The following GRIP1 variants were observed in gnomAD, a reference collection of about 807,000 sequenced individuals.
GRIP1 encodes glutamate receptor interacting protein 1, also known as glutamate receptor-interacting protein 1.
Under a neutral mutation model 129.9 loss-of-function variants are expected in GRIP1, and 45 were observed. The observed-to-expected ratio is 0.35, with a 90% CI of 0.27 to 0.44. The LOEUF (loss-of-function observed/expected upper bound fraction) is 0.44. Ranked by LOEUF, GRIP1 falls within the 20% of genes least tolerant of loss-of-function variation. The probability of loss-of-function intolerance (pLI) is 1.00; values close to 1 mark genes in which losing one functional copy is unlikely to be tolerated. For synonymous variants in GRIP1, 530 were observed against 520.8 expected, an observed-to-expected ratio of 1.02 and a Z score of -0.24; for missense variants, 1,196 against 1,396.8, an observed-to-expected ratio of 0.86 and a Z score of 2.29.
At chr12:66,604,761 T>C (rs918749525) in intron 1 of GRIP1, among the ~76,000 whole-genome samples, 1 of 152,194 alleles carries the variant, frequency 6.6e-6, no homozygotes, top group Non-Finnish European at 1.5e-5. Context: ...AGCTTTAGAA[T>C]GACAATTTGG....
At chr12:66,737,379 G>A (rs572119333) in intron 1 of GRIP1, among the ~76,000 whole-genome samples, 1 of 152,252 alleles carries the variant, frequency 6.6e-6, no homozygotes, top group South Asian at 2.1e-4. Context: ...CGCCTCCCAG[G>A]TTCAAGAAAT....
intron 1 of GRIP1, among the ~76,000 whole-genome samples, chr12:66,940,313 G>C (rs2041564061): frequency 6.6e-6 from 1 of 152,084 alleles, no homozygotes; most frequent in Non-Finnish European, 1.5e-5. Context: ...CAAGATAACA[G>C]GGATAATATG....
intron 9 of GRIP1, among the ~76,000 whole-genome samples, chr12:66,456,590 CTTCTT>C (rs1268727591): frequency 6.6e-6 from 1 of 152,014 alleles, no homozygotes; most frequent in Non-Finnish European, 1.5e-5. Flanking sequence ...CTCGTTTTTT[CTTCTT>C]TTAAGATGAC....
At chr12:66,877,190 CATG>C (rs1227517919) in intron 1 of GRIP1, among the ~76,000 whole-genome samples, 3 of 152,024 alleles carry the variant, frequency 2.0e-5, no homozygotes, top group African/African-American at 4.8e-5. Context: ...CTGCCCCATT[CATG>C]ATGATTCTAC....
At chr12:67,033,407 C>A (rs763233822) in intron 1 of GRIP1, among the ~76,000 whole-genome samples, 1 of 151,976 alleles carries the variant, frequency 6.6e-6, no homozygotes, top group Non-Finnish European at 1.5e-5. Context: ...CCAAAATTCT[C>A]ATCCCAGTAA....
chr12:66,796,114 C>T (rs1487064549), intron 1 of GRIP1, among the ~76,000 whole-genome samples: 31 of 151,972 alleles, frequency 2.0e-4, no homozygotes, highest in Non-Finnish European at 1.5e-5. Flanking sequence ...CCTAACTTTG[C>T]AATAGTATAC....
At chr12:66,382,059 A>G (rs2056135118) in intron 19 of GRIP1, among the ~76,000 whole-genome samples, 1 of 151,958 alleles carries the variant, frequency 6.6e-6, no homozygotes, top group African/African-American at 2.4e-5. Context: ...CTCTACAAAG[A>G]AAAAAAAGAC....
intron 1 of GRIP1, among the ~76,000 whole-genome samples, chr12:67,018,341 T>C (rs1392369070): frequency 6.6e-6 from 1 of 152,158 alleles, no homozygotes; most frequent in Non-Finnish European, 1.5e-5. Context: ...GTCCCTTGTG[T>C]CTGCGACTCC....
chr12:66,999,490 T>C (rs1309401686), intron 1 of GRIP1, among the ~76,000 whole-genome samples: 1 of 152,192 alleles, frequency 6.6e-6, no homozygotes, highest in Admixed American at 6.6e-5. Context: ...TAAACGCTAT[T>C]CAAACACACT....
At chr12:67,006,586 C>A (rs931518629) in intron 1 of GRIP1, among the ~76,000 whole-genome samples, 3 of 151,734 alleles carry the variant, frequency 2.0e-5, no homozygotes, top group Non-Finnish European at 2.9e-5. Context: ...GATCTTGTCT[C>A]AAAAAAATAA....
intron 1 of GRIP1, among the ~76,000 whole-genome samples, chr12:66,882,567 A>G (rs918010627): frequency 1.3e-5 from 2 of 152,188 alleles, no homozygotes; most frequent in African/African-American, 4.8e-5. Context: ...TGAGAATTAA[A>G]TGAATCAGTA....
intron 2 of GRIP1, among the ~76,000 whole-genome samples, chr12:66,566,198 C>A (rs1481363353): frequency 1.3e-5 from 2 of 152,126 alleles, no homozygotes; most frequent in Non-Finnish European, 2.9e-5. Context: ...CTGTCTTGTG[C>A]CAGTTTTCAA....
At chr12:66,692,748 GAGGCAGTC>G (rs2035023848) in intron 1 of GRIP1, among the ~76,000 whole-genome samples, 2 of 152,294 alleles carry the variant, frequency 1.3e-5, no homozygotes, top group African/African-American at 4.8e-5. Flanking sequence ...GAGTATCCCA[GAGGCAGTC>G]AGGACAGCAC....
intron 14 of GRIP1, among the ~76,000 whole-genome samples, chr12:66,430,097 C>A (rs771717006): frequency 6.6e-6 from 1 of 152,214 alleles, no homozygotes; most frequent in Non-Finnish European, 1.5e-5. Flanking sequence ...GCTTCTTATT[C>A]ATTCACTCAG....
intron 1 of GRIP1, among the ~76,000 whole-genome samples, chr12:66,630,611 C>A (rs1369810023): frequency 6.6e-6 from 1 of 152,186 alleles, no homozygotes; most frequent in African/African-American, 2.4e-5. Context: ...AAAGGCCATA[C>A]ATTCAAAAGT....
intron 1 of GRIP1, among the ~76,000 whole-genome samples, chr12:66,690,442 C>T (rs1485832936): frequency 6.6e-6 from 1 of 151,784 alleles, no homozygotes; most frequent in Non-Finnish European, 1.5e-5. Context: ...TTGATGGACA[C>T]TTAGGTTGTT....
At chr12:67,001,299 T>C (rs1332546671) in intron 1 of GRIP1, among the ~76,000 whole-genome samples, 1 of 152,142 alleles carries the variant, frequency 6.6e-6, no homozygotes, top group Non-Finnish European at 1.5e-5. Context: ...TTGTGGGCTA[T>C]CTAAATTCTG....
At chr12:66,736,346 ATTTTTTTT>A (rs547706592) in intron 1 of GRIP1, among the ~76,000 whole-genome samples, 52 of 66,956 alleles carry the variant, frequency 7.8e-4, no homozygotes, top group African/African-American at 2.7e-3. Flanking sequence ...TGCCTGGCTA[ATTTTTTTT>A]TTTTTTTTTT....
intron 1 of GRIP1, among the ~76,000 whole-genome samples, chr12:66,776,744 C>A (rs2037993607): frequency 6.6e-6 from 1 of 151,762 alleles, no homozygotes; most frequent in Non-Finnish European, 1.5e-5. Flanking sequence ...CAAAGTGACG[C>A]CAATAAGAGA....
Sources: gnomAD v4.1 joint callset for allele counts (sites outside exome capture counted in the v4.1 genomes callset) on GRCh38, gnomAD v4.1.1 for gene constraint, MANE v1.5 for transcripts, NCBI Gene and HGNC (gene_info 2026-07-23, HGNC 2026-07-21) for gene names.